ZNF532: variants seen among roughly 807,000 people sequenced by gnomAD.
The protein encoded by ZNF532 is zinc finger protein 532.
ZNF532 carries 22 observed loss-of-function variants against 89.3 expected under a neutral mutation model. That is an observed-to-expected ratio of 0.25 (90% CI 0.18 to 0.35). The LOEUF is 0.35. Among genes scored for constraint, ZNF532 ranks in the 10% least tolerant of loss-of-function variants. The pLI, the probability that ZNF532 is intolerant of heterozygous loss-of-function variation, is 1.00. For synonymous variants in ZNF532, 606 were observed against 649.6 expected, an observed-to-expected ratio of 0.93 and a Z score of 1.02; for missense variants, 1,132 against 1,643.4, an observed-to-expected ratio of 0.69 and a Z score of 5.38.
chr18:58,888,898 T>C (rs1242966876), intron 2 of ZNF532, among the ~76,000 whole-genome samples: 1 of 78,988 alleles, frequency 1.3e-5, no homozygotes, highest in African/African-American at 4.6e-5. Flanking sequence ...ATTTTATATA[T>C]ATATATATAT....
intron 7 of ZNF532, among the ~76,000 whole-genome samples, chr18:58,960,086 G>A (rs961271391): frequency 3.3e-5 from 5 of 152,238 alleles, no homozygotes; most frequent in East Asian, 1.9e-4. Flanking sequence ...TTACAGGTGC[G>A]TGCCACCACG....
chr18:58,965,173 A>G (rs2065798086), intron 7 of ZNF532, among the ~76,000 whole-genome samples: 2 of 152,014 alleles, frequency 1.3e-5, no homozygotes, highest in African/African-American at 4.8e-5. Context: ...GATGTTGAAA[A>G]TTTTTGGTTC....
chr18:58,865,752 G>A (rs1051456971), intron 2 of ZNF532, among the ~76,000 whole-genome samples, 173 bp downstream of exon 2: 4 of 152,312 alleles, frequency 2.6e-5, no homozygotes, highest in South Asian at 2.1e-4. Context: ...ATGGTATTGC[G>A]ATCAAGGCGA....
chr18:58,970,099 T>G (rs1412905256), intron 7 of ZNF532, among the ~76,000 whole-genome samples: 2 of 152,178 alleles, frequency 1.3e-5, no homozygotes, highest in African/African-American at 4.8e-5. Flanking sequence ...TTGGTCAGGC[T>G]GGTCTCAAAC....
intron 7 of ZNF532, among the ~76,000 whole-genome samples, chr18:58,962,737 G>A (rs1169744565): frequency 2.0e-5 from 3 of 152,084 alleles, no homozygotes; most frequent in African/African-American, 7.2e-5. Context: ...GAATAGCTGG[G>A]ACTACAGGCG....
rs751512077 is a variant in ZNF532, at chr18:58,979,038, TTC to T, written c.3151-12_3151-11del. The T allele has an allele frequency of 1.3e-6, 2 of 1,596,178 alleles. No individual in the cohort carries two copies. The highest frequency in any genetic ancestry group is 1.7e-6 in the Non-Finnish European group (2 of 1,165,438). ...CTATTTTCATTCCCTTAAGTGAACTTTCTCTCCTTCCTCCAGCAAATGAAGAA... is the reference window on the plus strand; with the variant it reads ...CTATTTTCATTCCCTTAAGTGAACTTTCTCCTTCCTCCAGCAAATGAAGAA... On this transcript the variant is annotated splice_polypyrimidine_tract_variant and intron_variant, in intron 7 of 9. Coordinates refer to ENST00000591808, the MANE Select transcript of ZNF532 (RefSeq NM_001375912.1).
rs186282384 is a variant in ZNF532 at position 58,914,018 on chromosome 18, A to T, written c.-17-4253A>T. ...GACATTCTCTAATTGGAAATTGGGA[A>T]ACCAACAATTTTTTTATTGCAAAGG... On this transcript the variant is annotated intron_variant, in intron 2 of 9. Transcript: ENST00000591808. Among the ~76,000 whole-genome samples the T allele has an allele frequency of 2.0e-5, 3 of 152,362 alleles. 1 individual carries two copies. Among genetic ancestry groups the T allele is most frequent in the African/African-American group, 7.2e-5 (3 of 41,592 alleles).
In ZNF532 at chr18:58,978,077, C is replaced by T. The variant is rs529401989; in HGVS notation, c.3151-978C>T. ...TTTGTTTTACGCCACTAATTTACTT[C>T]AAAGGTTCTGCATGGAAATATATTC... On this transcript the variant is annotated intron_variant, in intron 7 of 9. Transcript: ENST00000591808. 3.6e-4 allele frequency among the ~76,000 whole-genome samples: 55 copies of T among 152,274 alleles called. 1 individual carries two copies. The highest frequency in any genetic ancestry group is 1.3e-3 in the African/African-American group (54 of 41,558).
intron 2 of ZNF532, among the ~76,000 whole-genome samples, chr18:58,900,123 G>A (rs971396134): frequency 2.6e-5 from 4 of 152,222 alleles, no homozygotes; most frequent in Non-Finnish European, 5.9e-5. Context: ...TTAGGGATGA[G>A]GCTGTGGAGA....
intron 2 of ZNF532, among the ~76,000 whole-genome samples, chr18:58,894,291 C>T (rs1326376516): frequency 6.6e-6 from 1 of 151,806 alleles, no homozygotes; most frequent in Non-Finnish European, 1.5e-5. Context: ...ATGGTGAAAC[C>T]CCATCTCTAC....
intron 6 of ZNF532, 185 bp from the exon 7 acceptor site, chr18:58,953,333 G>C: frequency 1.8e-6 from 1 of 559,618 alleles, no homozygotes; most frequent in Non-Finnish European, 3.1e-6. Flanking sequence ...AATGCATAAC[G>C]TATAGCAGAC....
intron 6 of ZNF532, among the ~76,000 whole-genome samples, chr18:58,951,645 T>TGTTTTTTTTTTG (rs1555746525): frequency 3.4e-5 from 3 of 88,934 alleles, no homozygotes; most frequent in African/African-American, 4.8e-5. Context: ...CTCGCCCTGT[T>TGTTTTTTTTTTG]GTTTTTTTTT....
At chr18:58,934,171 A>G in intron 3 of ZNF532, 1 of 362,382 alleles carries the variant, frequency 2.8e-6, no homozygotes, top group Non-Finnish European at 5.0e-6. Context: ...AAGTAATGGA[A>G]TTGGAACTCT....
intron 5 of ZNF532, among the ~76,000 whole-genome samples, chr18:58,944,849 G>A (rs928140712): frequency 9.9e-5 from 15 of 152,264 alleles, no homozygotes; most frequent in African/African-American, 3.6e-4. Flanking sequence ...AGATTCCTCG[G>A]TTGTTAGCGT....
chr18:58,897,861 G>A (rs2059348878), intron 2 of ZNF532, among the ~76,000 whole-genome samples: 2 of 152,200 alleles, frequency 1.3e-5, no homozygotes, highest in Admixed American at 1.3e-4. Flanking sequence ...GCTGAGGCAG[G>A]AGAATTGCTT....
At chr18:58,974,233 T>C (rs1328312631) in intron 7 of ZNF532, among the ~76,000 whole-genome samples, 2 of 152,256 alleles carry the variant, frequency 1.3e-5, no homozygotes, top group Non-Finnish European at 2.9e-5. Context: ...GTTTCTTATC[T>C]TGAAGTCTCC....
At chr18:58,968,631 C>T (rs561766412) in intron 7 of ZNF532, among the ~76,000 whole-genome samples, 18 of 152,278 alleles carry the variant, frequency 1.2e-4, no homozygotes, top group Middle Eastern at 3.4e-3. Flanking sequence ...GCAGGTAGAG[C>T]GTAGACATAG....
Position 58,941,468 on chromosome 18 carries a change from C to CTTTT in ZNF532, c.2705+1864_2705+1867dup, listed in dbSNP as rs71302776. On this transcript the variant is annotated intron_variant, in intron 5 of 9. Transcript: ENST00000591808. ...CCAGTGGTTTCTTTTCTCTCTCTCTCTTTTTTTTTTTTTTTTTTTTATGAG... is the reference window on the plus strand; with the variant it reads ...CCAGTGGTTTCTTTTCTCTCTCTCTCTTTTTTTTTTTTTTTTTTTTTTTTATGAG... Among the ~76,000 whole-genome samples the CTTTT allele has an allele frequency of 1.4e-3, 159 of 114,910 alleles. 2 individuals carry two copies. The highest frequency in any genetic ancestry group is 1.7e-3 in the Admixed American group (17 of 10,102). 75.4% of individuals were successfully genotyped at this position (114,910 alleles called of 152,430 possible). A position where few individuals can be genotyped will look rare whatever the true frequency, so the allele number is the denominator to read the frequency against.
rs1044513713 is a variant in ZNF532, at chr18:58,964,535, T to G, written c.3150+10736T>G. ...TTGGCCACTGGAATTGATATTTTGT[T>G]TGTGTGTGTGTGTGTGTGTGTGTGT... On this transcript the variant is annotated intron_variant, in intron 7 of 9. Transcript: ENST00000591808. 5.1e-3 allele frequency among the ~76,000 whole-genome samples: 710 copies of G among 138,616 alleles called. 12 individuals are homozygous for G. Among genetic ancestry groups the G allele is most frequent in the Admixed American group, 0.033 (454 of 13,660 alleles). 90.9% of individuals were successfully genotyped at this position (138,616 alleles called of 152,430 possible).
Sources: allele counts gnomAD v4.1 joint callset (sites outside exome capture counted in the v4.1 genomes callset), GRCh38; gene constraint gnomAD v4.1.1; transcripts MANE v1.5; gene names NCBI Gene and HGNC (gene_info 2026-07-23, HGNC 2026-07-21).